BMPR1A: variants seen among roughly 807,000 people sequenced by gnomAD.
BMPR1A encodes the protein bone morphogenetic protein receptor type-1A.
BMPR1A carries 7 observed loss-of-function variants against 66.0 expected under a neutral mutation model. The ratio of observed to expected loss-of-function variants is 0.11; its 90% CI spans 0.06 to 0.20. The LOEUF (loss-of-function observed/expected upper bound fraction) is 0.20. Ranked by LOEUF, BMPR1A falls within the 10% of genes least tolerant of loss-of-function variation. The pLI, the probability that BMPR1A is intolerant of heterozygous loss-of-function variation, is 1.00. For synonymous variants in BMPR1A, 200 were observed against 229.7 expected, an observed-to-expected ratio of 0.87 and a Z score of 1.17; for missense variants, 408 against 669.1, an observed-to-expected ratio of 0.61 and a Z score of 4.31.
At chr10:86,909,890 T>A (rs1049306519) in intron 7 of BMPR1A, among the ~76,000 whole-genome samples, 1 of 152,218 alleles carries the variant, frequency 6.6e-6, no homozygotes, top group Non-Finnish European at 1.5e-5. Context: ...CATTCTCATA[T>A]GTTGGTGGAG....
chr10:86,793,103 C>CA (rs1554879218), intron 1 of BMPR1A, among the ~76,000 whole-genome samples: 1,769 of 137,474 alleles, frequency 0.013, 33 homozygotes, highest in African/African-American at 0.046. Context: ...TACCCCCCCC[C>CA]ACCCCCCGCC....
chr10:86,886,860 TCG>T (rs1843074211), intron 3 of BMPR1A, among the ~76,000 whole-genome samples: 1 of 144,786 alleles, frequency 6.9e-6, no homozygotes, highest in African/African-American at 2.6e-5. Context: ...AGATGGATTT[TCG>T]CTCTTGTCGC....
At chr10:86,899,408 G>T (rs917223813) in intron 5 of BMPR1A, among the ~76,000 whole-genome samples, 1 of 152,318 alleles carries the variant, frequency 6.6e-6, no homozygotes, top group East Asian at 1.9e-4. Context: ...GCCTCTGCAC[G>T]CTCAGCTGCC....
intron 9 of BMPR1A, 149 bp downstream of exon 9, chr10:86,917,475 C>T (rs1843592359): frequency 5.0e-6 from 5 of 997,010 alleles, no homozygotes; most frequent in Admixed American, 2.1e-5. Flanking sequence ...TTGAATAAAA[C>T]ATAGTCCGGA....
intron 1 of BMPR1A, among the ~76,000 whole-genome samples, chr10:86,761,381 G>C (rs1841053677): frequency 6.6e-6 from 1 of 152,208 alleles, no homozygotes; most frequent in Non-Finnish European, 1.5e-5. Context: ...CTTGGCTCTT[G>C]ATCCAGCTGT....
chr10:86,785,562 C>T (rs1841502844), intron 1 of BMPR1A, among the ~76,000 whole-genome samples: 1 of 152,184 alleles, frequency 6.6e-6, no homozygotes. Flanking sequence ...ACTTGGCCTC[C>T]CAAAGCTGGG....
At chr10:86,775,665 G>T (rs1340987252) in intron 1 of BMPR1A, among the ~76,000 whole-genome samples, 1 of 149,130 alleles carries the variant, frequency 6.7e-6, no homozygotes. Flanking sequence ...AAAATAGCTA[G>T]TTTTTTTTTT....
At chr10:86,783,833 G>A (rs1841474260) in intron 1 of BMPR1A, among the ~76,000 whole-genome samples, 1 of 152,202 alleles carries the variant, frequency 6.6e-6, no homozygotes, top group Non-Finnish European at 1.5e-5. Context: ...ACAGGTGTGA[G>A]CCACTGTGCT....
chr10:86,822,587 A>G (rs1842134868), intron 1 of BMPR1A, among the ~76,000 whole-genome samples: 2 of 152,056 alleles, frequency 1.3e-5, no homozygotes, highest in Non-Finnish European at 2.9e-5. Context: ...TGAGAAGGTT[A>G]CTTAATCACT....
In BMPR1A at chr10:86,925,311, CATAAA is replaced by C. The variant is rs1349165492; in HGVS notation, c.*1598_*1602del. ...GTGAGATAGTTTTATTTGATTATAA[CATAAA>C]ATAAATGTGATTATATCACATCATC... On this transcript the variant is annotated 3_prime_UTR_variant, in exon 13 of 13. Transcript: ENST00000372037. 9.0e-6 allele frequency: 2 copies of C among 221,282 alleles called. No homozygotes were observed. Among genetic ancestry groups the C allele is most frequent in the Non-Finnish European group, 9.0e-6 (1 of 110,952 alleles). 13.7% of individuals were successfully genotyped at this position (221,282 alleles called of 1,614,324 possible).
At position 86,855,421 on chromosome 10, in the gene BMPR1A, T is replaced by A; in HGVS notation, c.-153+16442T>A. Reference sequence around the variant, plus strand: ...TTTGGCAAATTTTCTGTTAAAATGCTCCATACTTTTCTTATGCCTATTAGA... The same window carrying A: ...TTTGGCAAATTTTCTGTTAAAATGCACCATACTTTTCTTATGCCTATTAGA... On this transcript the variant is annotated intron_variant, in intron 2 of 12. Coordinates refer to ENST00000372037, the MANE Select transcript of BMPR1A (RefSeq NM_004329.3). 2 of 703,586 alleles carry A rather than the reference T, an allele frequency of 2.8e-6. 1 individual carries two copies. Among genetic ancestry groups the A allele is most frequent in the South Asian group, 4.1e-5 (2 of 49,024 alleles). The allele number at this position is 703,586 out of a possible 1,614,324, so 43.6% of individuals were successfully genotyped here.
chr10:86,761,537 G>C (rs1320204491), intron 1 of BMPR1A, among the ~76,000 whole-genome samples: 1 of 152,214 alleles, frequency 6.6e-6, no homozygotes, highest in Non-Finnish European at 1.5e-5. Context: ...GTTCAAACTT[G>C]TAGGAAGGTC....
chr10:86,829,105 C>G (rs1564697181), intron 1 of BMPR1A, among the ~76,000 whole-genome samples: 2 of 152,078 alleles, frequency 1.3e-5, no homozygotes, highest in African/African-American at 4.8e-5. Context: ...TCAGACTGAG[C>G]ACCCAGAAGT....
At chr10:86,810,065 G>T (rs1188026595) in intron 1 of BMPR1A, among the ~76,000 whole-genome samples, 1 of 151,892 alleles carries the variant, frequency 6.6e-6, no homozygotes, top group African/African-American at 2.4e-5. Context: ...CCGCCTCCCG[G>T]GTTCAAGCGA....
rs368583760 is a variant in BMPR1A, at chr10:86,865,902, G to T, written c.-152-9965G>T. On this transcript the variant is annotated intron_variant, in intron 2 of 12. Transcript: ENST00000372037. ...GATGCCTGAGGGGAGTGCAAAGCTG[G>T]GTTTTTGAGGAGCTGGGACTGAGAT... Among the ~76,000 whole-genome samples the T allele has an allele frequency of 6.6e-5, 10 of 152,308 alleles. No individual in the cohort carries two copies. The East Asian group carries it at 1.4e-3, about 21-fold the overall frequency.
downstream of BMPR1A, chr10:86,931,256 GAA>G (rs1175936602): frequency 4.6e-5 from 3 of 64,908 alleles, no homozygotes; most frequent in Non-Finnish European, 7.6e-5. Flanking sequence ...AAAAAAAAAA[GAA>G]AAAAAAATAT....
rs1554891352 is a variant in BMPR1A, at chr10:86,921,673, G to A, written c.1320G>A (p.Met440Ile). The change falls in exon 11 of 13, where the codon ATG (methionine) becomes ATA (isoleucine). Residue 440 changes from methionine (M) to isoleucine (I), a missense_variant. This residue lies in a region of BMPR1A where 130 missense variants were observed against 257.3 expected (regional missense o/e 0.51). Transcript: ENST00000372037. ...IYSFGLIIWE[M>I]ARRCITGGIV... ...GCTTCGGCCTAATCATTTGGGAGATGGCTCGTCGTTGTATCACAGGAGGTG... is the reference window on the plus strand; with the variant it reads ...GCTTCGGCCTAATCATTTGGGAGATAGCTCGTCGTTGTATCACAGGAGGTG... 1.2e-6 allele frequency: 2 copies of A among 1,614,198 alleles called. No homozygotes were observed. The highest frequency in any genetic ancestry group is 1.1e-5 in the South Asian group (1 of 91,078).
intron 2 of BMPR1A, among the ~76,000 whole-genome samples, chr10:86,851,494 A>G (rs1217315681): frequency 6.6e-6 from 1 of 152,206 alleles, no homozygotes; most frequent in Admixed American, 6.5e-5. Context: ...CATGGCACAT[A>G]ACCAAGTCAT....
intron 1 of BMPR1A, among the ~76,000 whole-genome samples, chr10:86,777,653 T>C (rs893461704): frequency 2.6e-5 from 4 of 152,164 alleles, no homozygotes; most frequent in Admixed American, 2.0e-4. Flanking sequence ...TACAATATTG[T>C]TCATTATTTT....
Sources: allele counts gnomAD v4.1 joint callset (sites outside exome capture counted in the v4.1 genomes callset), GRCh38; gene constraint gnomAD v4.1.1; regional missense constraint gnomAD v4.1.1; transcripts MANE v1.5; gene names NCBI Gene and HGNC (gene_info 2026-07-23, HGNC 2026-07-21).